DOCK2: variants seen among roughly 807,000 people sequenced by gnomAD.
The protein encoded by DOCK2 is dedicator of cytokinesis protein 2.
A neutral mutation model predicts 248.9 loss-of-function variants in DOCK2; 87 were observed. That is an observed-to-expected ratio of 0.35 (90% CI 0.29 to 0.42). DOCK2 has a LOEUF of 0.42. Ranked by LOEUF, DOCK2 falls within the 10% of genes least tolerant of loss-of-function variation. DOCK2 has a pLI of 1.00. For missense variants in DOCK2, 1,747 were observed against 2,300.2 expected (o/e 0.76, Z 4.92); for synonymous variants, 805 against 821.6 (o/e 0.98, Z 0.35).
intron 26 of DOCK2, among the ~76,000 whole-genome samples, chr5:169,810,077 C>T (rs966263251): frequency 9.2e-5 from 14 of 152,142 alleles, no homozygotes; most frequent in Admixed American, 7.8e-4. Flanking sequence ...CCCACCCCAG[C>T]ACAATGCCTG....
intron 32 of DOCK2, 61 bp downstream of exon 32, chr5:170,008,807 C>G: frequency 6.3e-7 from 1 of 1,599,566 alleles, no homozygotes. Flanking sequence ...TTCTTAAAGA[C>G]CATCTGTTGG....
At chr5:170,039,593 G>C in intron 36 of DOCK2, among the ~76,000 whole-genome samples, 1 of 152,236 alleles carries the variant, frequency 6.6e-6, no homozygotes. Flanking sequence ...ACCTTTCCTC[G>C]CCTCAAAATC....
chr5:169,905,229 C>A (rs1426241629), intron 27 of DOCK2, among the ~76,000 whole-genome samples: 1 of 151,846 alleles, frequency 6.6e-6, no homozygotes, highest in Non-Finnish European at 1.5e-5. Context: ...CAAAGGGGAC[C>A]CCTGCTGTCA....
chr5:169,714,244 G>A (rs1427119194), intron 18 of DOCK2, 33 bp downstream of exon 18: 4 of 1,601,250 alleles, frequency 2.5e-6, no homozygotes, highest in Non-Finnish European at 3.4e-6. Context: ...TGTCTGTGGG[G>A]AGTGTGTGTG....
At chr5:169,983,738 C>G (rs1041627166) in intron 28 of DOCK2, among the ~76,000 whole-genome samples, 5 of 152,216 alleles carry the variant, frequency 3.3e-5, no homozygotes, top group African/African-American at 9.6e-5. Context: ...CCTCCTTTCT[C>G]TCTGTCTTGT....
intron 30 of DOCK2, 140 bp downstream of exon 30, chr5:169,996,304 C>A: frequency 3.7e-6 from 3 of 807,446 alleles, no homozygotes; most frequent in Non-Finnish European, 5.6e-6. Context: ...GGGGTTATGG[C>A]TGGGGAGAAA....
intron 41 of DOCK2, among the ~76,000 whole-genome samples, chr5:170,051,814 G>T (rs543973763): frequency 1.3e-5 from 2 of 152,298 alleles, no homozygotes; most frequent in Non-Finnish European, 2.9e-5. Context: ...GAGGAAAGAA[G>T]AAAAGAGATA....
At chr5:170,055,980 A>C (rs1169321844) in intron 42 of DOCK2, among the ~76,000 whole-genome samples, 2 of 152,184 alleles carry the variant, frequency 1.3e-5, no homozygotes, top group Admixed American at 1.3e-4. Flanking sequence ...TGCCCAGCTC[A>C]TTCCCCCTAC....
At position 170,045,191 on chromosome 5, in the gene DOCK2, G is replaced by T. The variant is rs534540519; in HGVS notation, c.3877-625G>T. 3.9e-5 allele frequency among the ~76,000 whole-genome samples: 6 copies of T among 152,176 alleles called. No homozygotes were observed. The South Asian group carries it at 1.2e-3, about 32-fold the overall frequency. On this transcript the variant is annotated intron_variant, in intron 38 of 51. Coordinates refer to ENST00000520908, the MANE Select transcript of DOCK2 (RefSeq NM_004946.3). ...AAATAATCCCATTAAAAAGTGACAG[G>T]ATTGGCAGAGTAGAAGAATCCCAGG...
At chr5:169,700,425 G>GT (rs1213776405) in intron 13 of DOCK2, among the ~76,000 whole-genome samples, 1 of 151,690 alleles carries the variant, frequency 6.6e-6, no homozygotes, top group Non-Finnish European at 1.5e-5. Context: ...TCTACAACTT[G>GT]TTTTTATCAC....
intron 27 of DOCK2, among the ~76,000 whole-genome samples, chr5:169,853,421 T>C (rs1770715529): frequency 6.6e-6 from 1 of 152,216 alleles, no homozygotes. Context: ...TTCTGTCAAA[T>C]GATCCTTCAA....
intron 33 of DOCK2, among the ~76,000 whole-genome samples, 171 bp from the exon 34 acceptor site, chr5:170,027,692 A>C (rs1461586264): frequency 6.6e-6 from 1 of 151,930 alleles, no homozygotes; most frequent in Non-Finnish European, 1.5e-5. Context: ...CTCTCTGGGC[A>C]CTCCAAAAAG....
chr5:170,027,827 G>A lies in DOCK2; in HGVS notation c.3382-36G>A, dbSNP rs13175232. Reference sequence around the variant, plus strand: ...GACTAATTTCAGCCCTCAGCCTTCTGATGTTATTGTTGATTTTTGTCTCCT... The same window carrying A: ...GACTAATTTCAGCCCTCAGCCTTCTAATGTTATTGTTGATTTTTGTCTCCT... On this transcript the variant is annotated intron_variant, in intron 33 of 51. Transcript: ENST00000520908. The A allele has an allele frequency of 0.36, 568,131 of 1,584,676 alleles. 106,178 individuals carry two copies. The highest frequency in any genetic ancestry group is 0.56 in the East Asian group (25,073 of 44,478).
chr5:169,786,978 C>G (rs1041327866), intron 25 of DOCK2, among the ~76,000 whole-genome samples: 1 of 152,112 alleles, frequency 6.6e-6, no homozygotes, highest in Non-Finnish European at 1.5e-5. Context: ...GTAGCTTATA[C>G]TTTTATAATG....
intron 27 of DOCK2, among the ~76,000 whole-genome samples, chr5:169,914,297 T>A (rs1774760733): frequency 6.6e-6 from 1 of 152,204 alleles, no homozygotes; most frequent in African/African-American, 2.4e-5. Context: ...TTCTGATTCT[T>A]TCATAACCCA....
intron 25 of DOCK2, among the ~76,000 whole-genome samples, chr5:169,797,702 A>C (rs1766738561): frequency 6.6e-6 from 1 of 151,762 alleles, no homozygotes; most frequent in South Asian, 2.1e-4. Flanking sequence ...TGGATACCTA[A>C]GGCAGGAACC....
At chr5:169,883,266 A>G (rs1772773015) in intron 27 of DOCK2, 1 of 1,551,612 alleles carries the variant, frequency 6.4e-7, no homozygotes, top group Non-Finnish European at 8.7e-7. Flanking sequence ...CCCAGGAAGG[A>G]CTGTGATAAA....
At chr5:169,944,542 CG>C (rs1776371405) in intron 27 of DOCK2, among the ~76,000 whole-genome samples, 1 of 152,198 alleles carries the variant, frequency 6.6e-6, no homozygotes, top group South Asian at 2.1e-4. Flanking sequence ...GAAACTCCCC[CG>C]TCCTCAGTGG....
intron 32 of DOCK2, among the ~76,000 whole-genome samples, chr5:170,011,786 C>T (rs1428919636): frequency 2.6e-5 from 4 of 152,106 alleles, no homozygotes; most frequent in African/African-American, 7.2e-5. Flanking sequence ...ATTGAATGAA[C>T]AAAATGCATT....
Sources: allele counts gnomAD v4.1 joint callset (sites outside exome capture counted in the v4.1 genomes callset), GRCh38; gene constraint gnomAD v4.1.1; transcripts MANE v1.5; gene names NCBI Gene and HGNC (gene_info 2026-07-23, HGNC 2026-07-21).